The following DCHS2 variants were observed in gnomAD, a reference collection of about 807,000 sequenced individuals.
The protein encoded by DCHS2 is dachsous cadherin-related 2, also known as protocadherin-23.
A neutral mutation model predicts 182.4 loss-of-function variants in DCHS2; 142 were observed. That is an observed-to-expected ratio of 0.78 (90% CI 0.68 to 0.89). The LOEUF is 0.89. Ranked by LOEUF, DCHS2 falls within the 40% of genes least tolerant of loss-of-function variation. The probability of loss-of-function intolerance (pLI) is 0.00; values close to 1 mark genes in which losing one functional copy is unlikely to be tolerated. For synonymous variants in DCHS2, 1,740 were observed against 1,663.3 expected, an observed-to-expected ratio of 1.05 and a Z score of -1.12; for missense variants, 4,319 against 4,198.6, an observed-to-expected ratio of 1.03 and a Z score of -0.79.
intron 1 of DCHS2, among the ~76,000 whole-genome samples, chr4:154,400,599 A>G (rs552019955): frequency 6.6e-6 from 1 of 152,300 alleles, no homozygotes; most frequent in African/African-American, 2.4e-5. Flanking sequence ...TCTGAACACC[A>G]AAAAGAAGAA....
chr4:154,362,211 A>G (rs1730156016), intron 3 of DCHS2, among the ~76,000 whole-genome samples: 1 of 152,206 alleles, frequency 6.6e-6, no homozygotes, highest in Non-Finnish European at 1.5e-5. Context: ...AGACAAAGGG[A>G]GGTAACAAAA....
chr4:154,445,399 C>G (rs1479000978), intron 1 of DCHS2, among the ~76,000 whole-genome samples: 1 of 152,134 alleles, frequency 6.6e-6, no homozygotes, highest in South Asian at 2.1e-4. Flanking sequence ...TGCAAGTAAC[C>G]GAAGGAAACT....
intron 3 of DCHS2, among the ~76,000 whole-genome samples, chr4:154,360,736 T>C (rs892245500): frequency 1.3e-5 from 2 of 152,132 alleles, no homozygotes; most frequent in Non-Finnish European, 2.9e-5. Context: ...TTACTTACAG[T>C]CTATGTTAAA....
At chr4:154,308,674 A>C (rs1291912447) in intron 10 of DCHS2, among the ~76,000 whole-genome samples, 2 of 152,214 alleles carry the variant, frequency 1.3e-5, no homozygotes, top group Non-Finnish European at 2.9e-5. Context: ...TGGATCATAG[A>C]AGACTTATCT....
intron 13 of DCHS2, among the ~76,000 whole-genome samples, chr4:154,280,247 A>G (rs1163160642): frequency 6.6e-6 from 1 of 152,144 alleles, no homozygotes; most frequent in East Asian, 1.9e-4. Context: ...AACTCTCAAC[A>G]AAGAAAACTC....
chr4:154,235,321 T>C lies in DCHS2; in HGVS notation c.9331A>G (p.Asn3111Asp). ...GAGCACTTTCTGTAGGGATGCTCAT[T>C]TATCCTCTGGATTTCCTTATCTTCT... ...TAEDKEIQRI[N>D]EHPYRKCSDS... Residue 3111 changes from asparagine to aspartate, a missense_variant, in exon 20 of 20, where the codon AAT becomes GAT. Asn to Asp is a conservative substitution (Grantham distance 23). Transcript: ENST00000357232. 6.2e-7 allele frequency: 1 copy of C among 1,614,086 alleles called. No homozygotes were observed. The highest frequency in any genetic ancestry group is 8.5e-7 in the Non-Finnish European group (1 of 1,179,974).
intron 3 of DCHS2, among the ~76,000 whole-genome samples, chr4:154,359,889 T>C (rs1730038760): frequency 6.6e-6 from 1 of 152,098 alleles, no homozygotes; most frequent in Admixed American, 6.5e-5. Context: ...GGTAGTCTTA[T>C]AAAGAAATTC....
chr4:154,446,876 C>T (rs1193521552), intron 1 of DCHS2, among the ~76,000 whole-genome samples: 1 of 152,114 alleles, frequency 6.6e-6, no homozygotes, highest in Non-Finnish European at 1.5e-5. Flanking sequence ...GTTTTCTCAT[C>T]AAATTACTTT....
At position 154,490,613 on chromosome 4, in the gene DCHS2, A is replaced by C; in HGVS notation, c.743T>G (p.Leu248Arg). 6.5e-7 allele frequency: 1 copy of C among 1,549,042 alleles called. No individual in the cohort carries two copies. Reference protein sequence around the residue: ...GSSSPLEPLDLVLLRRLDREE... With the variant: ...GSSSPLEPLDRVLLRRLDREE... Reference sequence around the variant, plus strand: ...TCGGTCCAAGCGCCGCAGCAGCACCAGATCTAGAGGCTCCAGGGGTGACGA... The same window carrying C: ...TCGGTCCAAGCGCCGCAGCAGCACCCGATCTAGAGGCTCCAGGGGTGACGA... The change falls in exon 1 of 20, where the codon CTG becomes CGG. Residue 248 changes from leucine (L) to arginine (R), a missense_variant. Leu to Arg is a moderately radical substitution (Grantham distance 102, BLOSUM62 -2). Coordinates refer to ENST00000357232, the MANE Select transcript of DCHS2 (RefSeq NM_001358235.2).
At chr4:154,417,528 CATT>C (rs1403697389) in intron 1 of DCHS2, among the ~76,000 whole-genome samples, 3 of 152,160 alleles carry the variant, frequency 2.0e-5, no homozygotes, top group Non-Finnish European at 4.4e-5. Context: ...AACCTACAAA[CATT>C]AGTAGTGGAC....
intron 3 of DCHS2, among the ~76,000 whole-genome samples, chr4:154,349,110 C>A (rs1244998732): frequency 1.3e-5 from 2 of 151,942 alleles, no homozygotes; most frequent in African/African-American, 4.9e-5. Context: ...GTTTAAAGAT[C>A]TTAATTGGCT....
intron 8 of DCHS2, 152 bp downstream of exon 8, chr4:154,322,179 T>A: frequency 5.3e-6 from 6 of 1,130,218 alleles, no homozygotes; most frequent in Non-Finnish European, 6.1e-6. Flanking sequence ...AAGCTAAGTA[T>A]GCTATGTGCA....
chr4:154,373,771 G>C, intron 2 of DCHS2: 3 of 627,726 alleles, frequency 4.8e-6, no homozygotes. Flanking sequence ...CCTGCAAGAC[G>C]GGCAAGAGGG....
intron 16 of DCHS2, among the ~76,000 whole-genome samples, chr4:154,250,695 G>A (rs1019041957): frequency 6.6e-6 from 1 of 151,976 alleles, no homozygotes; most frequent in Non-Finnish European, 1.5e-5. Flanking sequence ...TCTTCCTTCT[G>A]TCCCCACTGC....
At chr4:154,437,035 G>A (rs1054171944) in intron 1 of DCHS2, among the ~76,000 whole-genome samples, 2 of 151,948 alleles carry the variant, frequency 1.3e-5, no homozygotes, top group Non-Finnish European at 2.9e-5. Flanking sequence ...GGCTCACATC[G>A]GTGGCTCACA....
intron 13 of DCHS2, among the ~76,000 whole-genome samples, chr4:154,272,852 T>C (rs150382154): frequency 6.6e-6 from 1 of 152,262 alleles, no homozygotes; most frequent in African/African-American, 2.4e-5. Context: ...ATTTATCTGG[T>C]GTCTGGTGAT....
chr4:154,486,346 G>A, intron 1 of DCHS2: 1 of 1,249,626 alleles, frequency 8.0e-7, no homozygotes. Flanking sequence ...TAGAGTGGTA[G>A]GACCCCAAAC....
chr4:154,491,075 T>G lies in DCHS2; in HGVS notation c.281A>C (p.Gln94Pro). The change falls in exon 1 of 20, where the codon CAG becomes CCG. Residue 94 changes from glutamine to proline, a missense_variant. Physicochemically the swap from Gln to Pro is moderately conservative, Grantham distance 76. Transcript: ENST00000357232. ...GDIRAGLPAAQQQEGSGFFLS... is the reference protein window; with the variant it reads ...GDIRAGLPAAPQQEGSGFFLS... ...AAAGAAGCCGCTCCCCTCCTGCTGCTGCGCGGCCGGCAGCCCGGCGCGGAT... is the reference window on the plus strand; with the variant it reads ...AAAGAAGCCGCTCCCCTCCTGCTGCGGCGCGGCCGGCAGCCCGGCGCGGAT... The G allele has an allele frequency of 6.4e-7, 1 of 1,551,248 alleles. No homozygotes were observed. Among genetic ancestry groups the G allele is most frequent in the Non-Finnish European group, 8.7e-7 (1 of 1,146,930 alleles).
At chr4:154,412,936 T>A (rs1279548478) in intron 1 of DCHS2, among the ~76,000 whole-genome samples, 1 of 152,076 alleles carries the variant, frequency 6.6e-6, no homozygotes, top group Non-Finnish European at 1.5e-5. Flanking sequence ...TAAATTTTTG[T>A]TGAAAAGCAC....
Sources: allele counts gnomAD v4.1 joint callset (sites outside exome capture counted in the v4.1 genomes callset), GRCh38; gene constraint gnomAD v4.1.1; transcripts MANE v1.5; gene names NCBI Gene and HGNC (gene_info 2026-07-23, HGNC 2026-07-21).